THRAP3: variants seen among roughly 807,000 people sequenced by gnomAD.
The protein encoded by THRAP3 is thyroid hormone receptor associated protein 3.
In THRAP3, 16 loss-of-function variants were observed where a neutral mutation model predicts 101.0. The ratio of observed to expected loss-of-function variants is 0.16; its 90% CI spans 0.11 to 0.24. The LOEUF is 0.24. Ranked by LOEUF, THRAP3 falls within the 10% of genes least tolerant of loss-of-function variation. The pLI is 1.00. For missense variants in THRAP3, 989 were observed against 1,202.7 expected, an observed-to-expected ratio of 0.82 and a Z score of 2.63; for synonymous variants, 407 against 422.6, an observed-to-expected ratio of 0.96 and a Z score of 0.45.
Position 36,293,902 on chromosome 1 carries a change from T to G in THRAP3, c.2082T>G (p.Asp694Glu), listed in dbSNP as rs576756026. Residue 694 changes from aspartate to glutamate, a missense_variant, in exon 8 of 12, where the codon GAT (aspartate) becomes GAG (glutamate). By Grantham distance (45) the Asp-to-Glu change is conservative. Coordinates refer to ENST00000354618, the MANE Select transcript of THRAP3 (RefSeq NM_005119.4). ...TCAGAAAACATGGTTTGGCTCATGA[T>G]GAAATGAAAAGTCCCCGGGAACCTG... is the stretch of plus-strand genomic sequence containing the variant. The part of the protein sequence containing the change: ...STFRKHGLAH[D>E]EMKSPREPGY... The G allele has an allele frequency of 6.2e-7, 1 of 1,613,842 alleles. No individual in the cohort carries two copies. Among genetic ancestry groups the G allele is most frequent in the African/African-American group, 1.3e-5 (1 of 75,010 alleles).
the THRAP3 span, among the ~76,000 whole-genome samples, chr1:36,213,246 G>A: frequency 6.6e-6 from 1 of 152,116 alleles, no homozygotes; most frequent in South Asian, 2.1e-4. Flanking sequence ...TAGGATCAGA[G>A]TTGTACTTGA....
At chr1:36,299,605 A>T (rs1428379619) in intron 9 of THRAP3, among the ~76,000 whole-genome samples, 1 of 151,086 alleles carries the variant, frequency 6.6e-6, no homozygotes, top group Non-Finnish European at 1.5e-5. Flanking sequence ...GGTTCAAGTG[A>T]TTCTCCTGTC....
chr1:36,285,745 A>C (rs1031957588), intron 3 of THRAP3, among the ~76,000 whole-genome samples: 4 of 152,186 alleles, frequency 2.6e-5, no homozygotes, highest in Admixed American at 1.3e-4. Flanking sequence ...TGTTTTGCTT[A>C]TGTGATTTTA....
Position 36,289,060 on chromosome 1 carries a change from G to A in THRAP3, c.1041G>A (p.Arg347=), listed in dbSNP as rs371208940. The change falls in exon 5 of 12, where the codon AGG becomes AGA. Residue 347 remains arginine, a splice_region_variant and synonymous_variant. Coordinates refer to ENST00000354618, the MANE Select transcript of THRAP3 (RefSeq NM_005119.4). Reference sequence around the variant, plus strand: ...CTCTCTCTTGTGTTTTTATAAATAGGTATCTAGAAGAGCAGAAGACAGAGA... The same window carrying A: ...CTCTCTCTTGTGTTTTTATAAATAGATATCTAGAAGAGCAGAAGACAGAGA... ...AASGGAAYTK[R]YLEEQKTENG... The A allele has an allele frequency of 2.1e-4, 323 of 1,567,536 alleles. No individual in the cohort carries two copies. The highest frequency in any genetic ancestry group is 5.2e-4 in the Admixed American group (26 of 50,050).
chr1:36,245,086 C>T (rs893739380), intron 1 of THRAP3, among the ~76,000 whole-genome samples: 9 of 151,968 alleles, frequency 5.9e-5, no homozygotes, highest in African/African-American at 1.9e-4. Flanking sequence ...TGTAAGTGGC[C>T]TTTGCCATTG....
Position 36,300,876 on chromosome 1 carries a change from C to T in THRAP3, c.2304-10C>T, listed in dbSNP as rs749251852. On this transcript the variant is annotated splice_polypyrimidine_tract_variant and intron_variant, in intron 9 of 11. Coordinates refer to ENST00000354618, the MANE Select transcript of THRAP3 (RefSeq NM_005119.4). Reference sequence around the variant, plus strand: ...GATGATTGATCACCCTGGCTCTTCTCTTTTCACAGGAAGCATCGGAGAGCA... The same window carrying T: ...GATGATTGATCACCCTGGCTCTTCTTTTTTCACAGGAAGCATCGGAGAGCA... The T allele has an allele frequency of 5.6e-6, 9 of 1,612,430 alleles. No homozygotes were observed. The African/African-American group carries it at 6.7e-5, about 12-fold the overall frequency.
chr1:36,260,139 G>A (rs1197878740), intron 2 of THRAP3, among the ~76,000 whole-genome samples: 7 of 152,144 alleles, frequency 4.6e-5, no homozygotes, highest in Non-Finnish European at 8.8e-5. Flanking sequence ...CTACTTGGGA[G>A]GCTGAGGCAG....
At chr1:36,268,729 T>C (rs1353324496) in intron 2 of THRAP3, among the ~76,000 whole-genome samples, 1 of 151,982 alleles carries the variant, frequency 6.6e-6, no homozygotes, top group African/African-American at 2.4e-5. Context: ...GTTAATTTTT[T>C]TTTTTTTTTT....
At chr1:36,265,674 A>G (rs1424587942) in intron 2 of THRAP3, among the ~76,000 whole-genome samples, 2 of 152,106 alleles carry the variant, frequency 1.3e-5, no homozygotes, top group East Asian at 1.9e-4. Flanking sequence ...TTTATTTTTT[A>G]AATTTTAAGT....
At chr1:36,232,375 A>AT (rs1444181470) in intron 1 of THRAP3, among the ~76,000 whole-genome samples, 13 of 152,144 alleles carry the variant, frequency 8.5e-5, no homozygotes, top group African/African-American at 3.1e-4. Flanking sequence ...GTATCTTTGT[A>AT]CACATGTATC....
chr1:36,260,638 C>T (rs981643648), intron 2 of THRAP3, among the ~76,000 whole-genome samples: 55 of 151,856 alleles, frequency 3.6e-4, no homozygotes, highest in African/African-American at 1.2e-3. Flanking sequence ...CTGGCTAACA[C>T]GGTGAAACCC....
chr1:36,246,143 A>T (rs1570255622), intron 1 of THRAP3, among the ~76,000 whole-genome samples: 1 of 152,148 alleles, frequency 6.6e-6, no homozygotes, highest in East Asian at 1.9e-4. Context: ...AGAGCATGTA[A>T]ATCTTTGTCC....
chr1:36,214,280 C>G, the THRAP3 span, among the ~76,000 whole-genome samples: 1 of 152,212 alleles, frequency 6.6e-6, no homozygotes, highest in Admixed American at 6.5e-5. Flanking sequence ...GCAGCATGGG[C>G]TAGGGAGGTA....
intron 5 of THRAP3, 125 bp from the exon 6 acceptor site, chr1:36,291,249 A>G (rs879258563): frequency 9.8e-7 from 1 of 1,022,010 alleles, no homozygotes; most frequent in South Asian, 1.7e-5. Flanking sequence ...GGTTACTTTC[A>G]ACTTCGGTAG....
chr1:36,262,959 ATTTTTT>A (rs55662646), intron 2 of THRAP3, among the ~76,000 whole-genome samples: 6,935 of 104,340 alleles, frequency 0.066, 203 homozygotes, highest in Middle Eastern at 0.25. Context: ...GGGCCGGCTA[ATTTTTT>A]TTTTTTTTTT....
At chr1:36,237,956 G>T (rs1420963152) in intron 1 of THRAP3, among the ~76,000 whole-genome samples, 1 of 152,010 alleles carries the variant, frequency 6.6e-6, no homozygotes, top group East Asian at 1.9e-4. Flanking sequence ...TGAGTAACTG[G>T]GACTGCAGGT....
At chr1:36,293,766 C>T in intron 7 of THRAP3, 85 bp from the exon 8 acceptor site, 1 of 1,164,248 alleles carries the variant, frequency 8.6e-7, no homozygotes, top group South Asian at 1.3e-5. Flanking sequence ...GCCTGTGAAT[C>T]TATTAGCCAA....
intron 1 of THRAP3, among the ~76,000 whole-genome samples, chr1:36,248,273 A>T (rs1645255601): frequency 6.6e-6 from 1 of 151,754 alleles, no homozygotes; most frequent in Non-Finnish European, 1.5e-5. Context: ...TGACCCTGCC[A>T]TATCTTTATT....
the THRAP3 span, among the ~76,000 whole-genome samples, chr1:36,214,014 GA>G: frequency 1.4e-5 from 1 of 72,810 alleles, no homozygotes; most frequent in Non-Finnish European, 3.0e-5. Context: ...AAGAAAGAAA[GA>G]AAGAAAGAAA....
Sources: gnomAD v4.1 joint callset for allele counts (sites outside exome capture counted in the v4.1 genomes callset) on GRCh38, gnomAD v4.1.1 for gene constraint, MANE v1.5 for transcripts, NCBI Gene and HGNC (gene_info 2026-07-23, HGNC 2026-07-21) for gene names.